The following COG5 variants were observed in gnomAD, a reference collection of about 807,000 sequenced individuals.
COG5 encodes the protein conserved oligomeric Golgi complex subunit 5.
Under a neutral mutation model 110.4 loss-of-function variants are expected in COG5, and 86 were observed. The ratio of observed to expected loss-of-function variants is 0.78; its 90% confidence interval spans 0.65 to 0.93. The LOEUF (loss-of-function observed/expected upper bound fraction) is 0.93, where lower values mean the gene tolerates loss of function less well. Ranked by LOEUF, COG5 falls within the 40% of genes least tolerant of loss-of-function variation. The pLI, the probability that COG5 is intolerant of heterozygous loss-of-function variation, is 0.00. For synonymous variants in COG5, 360 were observed against 334.6 expected, an observed-to-expected ratio of 1.08 and a Z score of -0.83; for missense variants, 1,077 against 987.0, an observed-to-expected ratio of 1.09 and a Z score of -1.22.
At chr7:107,536,151 C>T (rs1443051703) in intron 5 of COG5, among the ~76,000 whole-genome samples, 1 of 152,038 alleles carries the variant, frequency 6.6e-6, no homozygotes, top group Non-Finnish European at 1.5e-5. Flanking sequence ...TGGAACATAT[C>T]TCAAAATAAT....
rs530323655 is a variant in COG5, at chr7:107,414,703, CTTTTTTTTTTTTTTTTTTTTTT to C, written c.539-2093_539-2072del. ...ATTGATTCCAAAATCCTCACTGTCC[CTTTTTTTTTTTTTTTTTTTTTT>C]TTTTTTTTTTTTTTTTTTCCGAGAC... is the stretch of plus-strand genomic sequence containing the variant. On this transcript the variant is annotated intron_variant, in intron 6 of 21. Coordinates refer to ENST00000297135, the MANE Select transcript of COG5 (RefSeq NM_006348.5). 3.5e-3 allele frequency among the ~76,000 whole-genome samples: 217 copies of C among 61,714 alleles called. 4 individuals carry two copies. Among genetic ancestry groups the C allele is most frequent in the Non-Finnish European group, 3.4e-3 (90 of 26,228 alleles). 40.5% of individuals were successfully genotyped at this position (61,714 alleles called of 152,430 possible). A position where few individuals can be genotyped will look rare whatever the true frequency, so the allele number is the denominator to read the frequency against.
intron 17 of COG5, among the ~76,000 whole-genome samples, chr7:107,238,664 T>C (rs1801386098): frequency 1.3e-5 from 2 of 152,196 alleles, no homozygotes; most frequent in African/African-American, 4.8e-5. Flanking sequence ...ACACTCGGTA[T>C]CTTTCATCTT....
intron 6 of COG5, among the ~76,000 whole-genome samples, chr7:107,429,641 C>T (rs1016243272): frequency 1.3e-5 from 2 of 152,088 alleles, no homozygotes; most frequent in African/African-American, 4.8e-5. Flanking sequence ...CAAATCTTAT[C>T]TTGAACTGTA....
At chr7:107,562,267 C>A (rs536346755) in intron 1 of COG5, among the ~76,000 whole-genome samples, 7 of 152,322 alleles carry the variant, frequency 4.6e-5, no homozygotes, top group South Asian at 4.1e-4. Flanking sequence ...GAAGGCAGAA[C>A]TGAAGAGTAT....
chr7:107,512,466 A>G (rs1799594431), intron 6 of COG5, among the ~76,000 whole-genome samples: 1 of 152,132 alleles, frequency 6.6e-6, no homozygotes, highest in Non-Finnish European at 1.5e-5. Context: ...AAATGGCCAT[A>G]CTGCCCAAGG....
chr7:107,358,793 C>T (rs1427215835), intron 10 of COG5, among the ~76,000 whole-genome samples: 1 of 152,050 alleles, frequency 6.6e-6, no homozygotes, highest in Admixed American at 6.5e-5. Context: ...GTAGACAGCA[C>T]TTTTTGCATG....
chr7:107,370,341 C>T (rs998577215), intron 8 of COG5, among the ~76,000 whole-genome samples: 2 of 151,898 alleles, frequency 1.3e-5, no homozygotes, highest in Non-Finnish European at 2.9e-5. Flanking sequence ...AAAAATTTTC[C>T]CTGAACCACC....
At chr7:107,295,060 C>CAT (rs1806582469) in intron 12 of COG5, among the ~76,000 whole-genome samples, 1 of 56,390 alleles carries the variant, frequency 1.8e-5, no homozygotes, top group African/African-American at 1.3e-4. Flanking sequence ...CACACACACA[C>CAT]ACACACATAT....
At chr7:107,475,415 T>C (rs1796913652) in intron 6 of COG5, 2 of 822,214 alleles carry the variant, frequency 2.4e-6, no homozygotes, top group Non-Finnish European at 3.8e-6. Context: ...TAAATTTAAA[T>C]TGTAAAAACT....
At chr7:107,449,310 C>T (rs1378957700) in intron 6 of COG5, among the ~76,000 whole-genome samples, 1 of 152,082 alleles carries the variant, frequency 6.6e-6, no homozygotes, top group Non-Finnish European at 1.5e-5. Context: ...CCACATGTAT[C>T]CAAACCTGCA....
Position 107,343,236 on chromosome 7 carries a change from G to A in COG5, c.1027-18715C>T, listed in dbSNP as rs77754501. On this transcript the variant is annotated intron_variant, in intron 10 of 21. Transcript: ENST00000297135. ...CTACTAGAGGAGGCAAGGAGGGAGG[G>A]GGCAAAGGTTGAAAAACTGTTGGGT... 5.1e-4 allele frequency among the ~76,000 whole-genome samples: 77 copies of A among 152,198 alleles called. No homozygotes were observed. In the East Asian group the frequency reaches 0.012, roughly 23 times the overall value.
chr7:107,399,647 G>A (rs1791282375), intron 7 of COG5, among the ~76,000 whole-genome samples: 1 of 151,934 alleles, frequency 6.6e-6, no homozygotes, highest in African/African-American at 2.4e-5. Flanking sequence ...CCCAGTCGTG[G>A]GTACGTCTTT....
Position 107,248,501 on chromosome 7 carries a change from T to TAAAAAAAAAAAAAAAAAAA in COG5, c.1750-3_1750-2insTTTTTTTTTTTTTTTTTTT. 1.6e-6 allele frequency: 2 copies of TAAAAAAAAAAAAAAAAAAA among 1,268,800 alleles called. No individual in the cohort carries two copies. The highest frequency in any genetic ancestry group is 5.3e-5 in the East Asian group (2 of 37,488). The allele number at this position is 1,268,800 out of a possible 1,614,324, so 78.6% of individuals were successfully genotyped here. On this transcript the variant is annotated splice_region_variant and splice_polypyrimidine_tract_variant and intron_variant, in intron 16 of 21. Transcript: ENST00000297135. ...ATTTTCCATAAGAGCATGAATAGCC[T>TAAAAAAAAAAAAAAAAAAA]AAAAAAAAAAAAGAAAGAAAAAAAA...
chr7:107,544,716 G>C (rs985132694), intron 5 of COG5, among the ~76,000 whole-genome samples: 8 of 152,190 alleles, frequency 5.3e-5, no homozygotes, highest in South Asian at 4.1e-4. Flanking sequence ...TTCTTCAAAT[G>C]TGCAGGCACC....
intron 13 of COG5, among the ~76,000 whole-genome samples, chr7:107,282,518 T>C (rs1214878497): frequency 1.3e-5 from 2 of 152,190 alleles, no homozygotes; most frequent in Non-Finnish European, 2.9e-5. Context: ...ATTATACATG[T>C]GGCTTTTTAT....
chr7:107,238,547 C>T (rs1409942145), intron 17 of COG5, among the ~76,000 whole-genome samples: 1 of 152,146 alleles, frequency 6.6e-6, no homozygotes, highest in Non-Finnish European at 1.5e-5. Context: ...TGTGGTAGTT[C>T]TGTTTTTAGT....
chr7:107,444,406 A>G (rs1230101405), intron 6 of COG5, among the ~76,000 whole-genome samples: 1 of 152,188 alleles, frequency 6.6e-6, no homozygotes, highest in Non-Finnish European at 1.5e-5. Context: ...TTAGCCATGA[A>G]AAGTTGCACA....
chr7:107,333,478 A>G (rs1810444527), intron 10 of COG5, among the ~76,000 whole-genome samples: 1 of 152,184 alleles, frequency 6.6e-6, no homozygotes, highest in Non-Finnish European at 1.5e-5. Flanking sequence ...ATTAGCTTTT[A>G]CATGTACACT....
chr7:107,466,033 A>G (rs1201927551), intron 6 of COG5, among the ~76,000 whole-genome samples: 1 of 152,178 alleles, frequency 6.6e-6, no homozygotes, highest in Admixed American at 6.5e-5. Flanking sequence ...ACTTAAGAGT[A>G]AGAGAATTAT....
Sources: gnomAD v4.1 joint callset for allele counts (sites outside exome capture counted in the v4.1 genomes callset) on GRCh38, gnomAD v4.1.1 for gene constraint, MANE v1.5 for transcripts, NCBI Gene and HGNC (gene_info 2026-07-23, HGNC 2026-07-21) for gene names.